Variants in MTAP observed in about 807,000 individuals in gnomAD.
The protein encoded by MTAP is S-methyl-5'-thioadenosine phosphorylase.
MTAP carries 33 observed loss-of-function variants against 33.6 expected under a neutral mutation model. That is an observed-to-expected ratio of 0.98 (90% CI 0.74 to 1.31). The LOEUF (loss-of-function observed/expected upper bound fraction) is 1.31, where lower values mean the gene tolerates loss of function less well. Among genes scored for constraint, MTAP ranks in the 40% most tolerant of loss-of-function variants. The pLI is 0.00. For missense variants in MTAP, 367 were observed against 360.0 expected, an observed-to-expected ratio of 1.02 and a Z score of -0.16; for synonymous variants, 148 against 125.7, an observed-to-expected ratio of 1.18 and a Z score of -1.19.
intron 1 of MTAP, among the ~76,000 whole-genome samples, chr9:21,881,811 G>A (rs1410920424): frequency 6.6e-6 from 1 of 152,002 alleles, no homozygotes; most frequent in Non-Finnish European, 1.5e-5. Flanking sequence ...ATGGAAAACA[G>A]TATGGGGTTT....
chr9:21,911,114 C>T (rs1375644259), intron 1 of MTAP, among the ~76,000 whole-genome samples: 1 of 152,108 alleles, frequency 6.6e-6, no homozygotes, highest in Non-Finnish European at 1.5e-5. Flanking sequence ...AATACAGGAG[C>T]ACTCAGATTC....
At position 21,881,436 on chromosome 9, in the gene MTAP, T is replaced by C. The variant is rs537883515; in HGVS notation, c.147+26566T>C. Among the ~76,000 whole-genome samples the C allele has an allele frequency of 2.6e-5, 4 of 152,210 alleles. No homozygotes were observed. The South Asian group carries it at 8.3e-4, about 32-fold the overall frequency. ...GAACTAGATCAAACTTTAAAACTTC[T>C]GTGCATCAAAGGACACAATCAACAT... On this transcript the variant is annotated intron_variant, in intron 1 of 1. Transcript: ENST00000577563.
intron 1 of MTAP, among the ~76,000 whole-genome samples, chr9:21,916,171 A>C (rs992690081): frequency 6.6e-6 from 1 of 152,068 alleles, no homozygotes; most frequent in African/African-American, 2.4e-5. Context: ...ACTTGGTTGA[A>C]TAGCTTCCCT....
At chr9:21,940,600 C>T (rs1485602966), downstream of MTAP, among the ~76,000 whole-genome samples, 1 of 152,158 alleles carries the variant, frequency 6.6e-6, no homozygotes, top group South Asian at 2.1e-4. Flanking sequence ...TTGACCTCTT[C>T]CTCATGTTCA....
chr9:21,865,453 G>A lies in MTAP; in HGVS notation c.*3439G>A, dbSNP rs1210977435. 4 of 985,250 alleles carry A rather than the reference G, an allele frequency of 4.1e-6. No individual in the cohort carries two copies. The highest frequency in any genetic ancestry group is 1.7e-5 in the African/African-American group (1 of 57,242). The allele number at this position is 985,250 out of a possible 1,614,324, so 61.0% of individuals were successfully genotyped here. A position where few individuals can be genotyped will look rare whatever the true frequency, so the allele number is the denominator to read the frequency against. On this transcript the variant is annotated 3_prime_UTR_variant, in exon 8 of 8. Coordinates refer to ENST00000644715, the MANE Select transcript of MTAP (RefSeq NM_002451.4). ...GAATGGACTAATACACTCCTCAAATGTTTTGAAGATTGTTGCACCTTGGAA... is the reference window on the plus strand; with the variant it reads ...GAATGGACTAATACACTCCTCAAATATTTTGAAGATTGTTGCACCTTGGAA...
intron 6 of MTAP, among the ~76,000 whole-genome samples, chr9:21,855,569 GC>G (rs1490192598): frequency 6.6e-6 from 1 of 152,030 alleles, no homozygotes; most frequent in African/African-American, 2.4e-5. Flanking sequence ...GAGGAGGGAT[GC>G]AATACAGTAG....
intron 1 of MTAP, among the ~76,000 whole-genome samples, chr9:21,814,899 C>T (rs1256772998): frequency 6.6e-6 from 1 of 152,268 alleles, no homozygotes; most frequent in South Asian, 2.1e-4. Context: ...TGCATTCTCT[C>T]CTAGCTCTGT....
intron 1 of MTAP, among the ~76,000 whole-genome samples, chr9:21,804,663 G>A (rs1395278967): frequency 6.6e-6 from 1 of 152,128 alleles, no homozygotes; most frequent in Non-Finnish European, 1.5e-5. Context: ...AGGTGCCAGT[G>A]TCCAGAGCAA....
chr9:21,843,548 C>G (rs1436441536), intron 5 of MTAP, among the ~76,000 whole-genome samples: 1 of 152,160 alleles, frequency 6.6e-6, no homozygotes, highest in Admixed American at 6.5e-5. Context: ...ATCAAGTACT[C>G]TCTCAGATCA....
chr9:21,863,603 A>T lies in MTAP; in HGVS notation c.*1589A>T. 1 of 974,358 alleles carries T rather than the reference A, an allele frequency of 1.0e-6. No homozygotes were observed. The highest frequency in any genetic ancestry group is 1.2e-6 in the Non-Finnish European group (1 of 822,730). 60.4% of individuals were successfully genotyped at this position (974,358 alleles called of 1,614,324 possible). ...GTGCCACTGCACTCCAGCCTGGGCA[A>T]CAGAGTAAGACTCAGTCTCAAAAAA... On this transcript the variant is annotated 3_prime_UTR_variant, in exon 8 of 8. Transcript: ENST00000644715.
At chr9:21,804,618 A>G (rs869330) in intron 1 of MTAP, among the ~76,000 whole-genome samples, 93,082 of 152,086 alleles carry the variant, frequency 0.61, 29,950 homozygotes, top group African/African-American at 0.83. Context: ...CGTATTCCCC[A>G]GACTTCTAAG....
intron 1 of MTAP, among the ~76,000 whole-genome samples, chr9:21,874,821 A>G (rs1825982776): frequency 6.6e-6 from 1 of 150,482 alleles, no homozygotes; most frequent in Non-Finnish European, 1.5e-5. Flanking sequence ...TACATTAGGT[A>G]TTTTTCCTAA....
At chr9:21,840,216 C>T (rs1825209329) in intron 5 of MTAP, among the ~76,000 whole-genome samples, 1 of 148,398 alleles carries the variant, frequency 6.7e-6, no homozygotes, top group Non-Finnish European at 1.5e-5. Context: ...ACAGAGACTC[C>T]ATGTCAAAAA....
At chr9:21,853,441 G>A (rs1825563374) in intron 5 of MTAP, among the ~76,000 whole-genome samples, 1 of 152,182 alleles carries the variant, frequency 6.6e-6, no homozygotes, top group Non-Finnish European at 1.5e-5. Flanking sequence ...TCCATAGCTT[G>A]CTAAATTTTG....
intron 4 of MTAP, among the ~76,000 whole-genome samples, chr9:21,829,925 C>CT (rs552813565): frequency 2.0e-5 from 3 of 151,598 alleles, no homozygotes; most frequent in South Asian, 2.1e-4. Context: ...ATCTGAAAAT[C>CT]TTTTTTTTTC....
intron 1 of MTAP, among the ~76,000 whole-genome samples, chr9:21,921,997 T>C (rs115944112): frequency 0.023 from 3,502 of 152,018 alleles, 134 homozygotes; most frequent in African/African-American, 0.079. Context: ...TGTTAAGCAG[T>C]CTTTTTAAAA....
chr9:21,845,519 A>G lies in MTAP; in HGVS notation c.450+7509A>G, dbSNP rs564203246. On this transcript the variant is annotated intron_variant, in intron 5 of 7. Coordinates refer to ENST00000644715, the MANE Select transcript of MTAP (RefSeq NM_002451.4). ...AGAACACTGCTGAAAGAAATTATAGATAATACAAAAAAATGGAAACATACC... is the reference window on the plus strand; with the variant it reads ...AGAACACTGCTGAAAGAAATTATAGGTAATACAAAAAAATGGAAACATACC... 2.2e-4 allele frequency among the ~76,000 whole-genome samples: 33 copies of G among 152,318 alleles called. 1 individual carries two copies. Among genetic ancestry groups the G allele is most frequent in the Admixed American group, 1.4e-3 (21 of 15,294 alleles).
chr9:21,850,362 G>A (rs928583023), intron 5 of MTAP, among the ~76,000 whole-genome samples: 3 of 152,162 alleles, frequency 2.0e-5, no homozygotes, highest in Admixed American at 6.5e-5. Context: ...TTTGGATTTT[G>A]GAGGCAACAC....
chr9:21,867,350 C>G (rs1023016007), downstream of MTAP, among the ~76,000 whole-genome samples: 1 of 151,982 alleles, frequency 6.6e-6, no homozygotes, highest in Non-Finnish European at 1.5e-5. Flanking sequence ...ATTGAAGATC[C>G]CTTTTATTCC....
Sources: gnomAD v4.1 joint callset for allele counts (sites outside exome capture counted in the v4.1 genomes callset) on GRCh38, gnomAD v4.1.1 for gene constraint, MANE v1.5 for transcripts, NCBI Gene and HGNC (gene_info 2026-07-23, HGNC 2026-07-21) for gene names.